Variants in RAD51B observed in about 807,000 individuals in gnomAD.
The protein encoded by RAD51B is DNA repair protein RAD51 homolog 2.
Under a neutral mutation model 42.2 loss-of-function variants are expected in RAD51B, and 38 were observed. The ratio of observed to expected loss-of-function variants is 0.90; its 90% CI spans 0.70 to 1.18. The LOEUF (loss-of-function observed/expected upper bound fraction) is 1.18. Among genes scored for constraint, RAD51B ranks in the 50% most tolerant of loss-of-function variants. RAD51B has a pLI of 0.00. For missense variants in RAD51B, 373 were observed against 400.7 expected (o/e 0.93, Z 0.59); for synonymous variants, 154 against 145.2 (o/e 1.06, Z -0.43).
intron 7 of RAD51B, among the ~76,000 whole-genome samples, chr14:67,987,826 G>A (rs927004161): frequency 1.3e-5 from 2 of 152,212 alleles, no homozygotes; most frequent in Non-Finnish European, 2.9e-5. Flanking sequence ...CTGTGTGTAT[G>A]TTCCTGTGGA....
chr14:68,673,550 A>G (rs1464746357), intron 11 of RAD51B, among the ~76,000 whole-genome samples: 13 of 152,016 alleles, frequency 8.6e-5, no homozygotes, highest in African/African-American at 1.9e-4. Flanking sequence ...ATACATATGT[A>G]CACACATATG....
At chr14:68,561,824 A>G (rs1224888199) in intron 10 of RAD51B, among the ~76,000 whole-genome samples, 1 of 152,192 alleles carries the variant, frequency 6.6e-6, no homozygotes, top group African/African-American at 2.4e-5. Context: ...CCGGCTTTAG[A>G]GTCACACTGG....
intron 10 of RAD51B, among the ~76,000 whole-genome samples, chr14:68,501,454 G>C (rs1180034508): frequency 6.6e-6 from 1 of 152,192 alleles, no homozygotes; most frequent in Non-Finnish European, 1.5e-5. Context: ...CTGCAGCCAA[G>C]GCCCCATGGA....
intron 9 of RAD51B, among the ~76,000 whole-genome samples, chr14:68,465,949 AAAAAATAAATAAAT>A (rs1202476868): frequency 1.0e-4 from 10 of 100,070 alleles, no homozygotes; most frequent in South Asian, 6.3e-4. Context: ...TCAAAAAAAA[AAAAAATAAATAAAT>A]AAATAAATAA....
At chr14:68,420,405 C>G (rs2084668360) in intron 9 of RAD51B, among the ~76,000 whole-genome samples, 1 of 151,886 alleles carries the variant, frequency 6.6e-6, no homozygotes, top group Admixed American at 6.5e-5. Flanking sequence ...CACAGCAACC[C>G]GAAGAGCTGC....
At chr14:67,845,590 C>G (rs972806484) in intron 4 of RAD51B, among the ~76,000 whole-genome samples, 56 of 152,180 alleles carry the variant, frequency 3.7e-4, no homozygotes, top group African/African-American at 1.3e-3. Flanking sequence ...ACTGCTTGGG[C>G]CCAGGAGGTC....
At chr14:68,484,559 G>A (rs1194952149) in intron 10 of RAD51B, among the ~76,000 whole-genome samples, 10 of 151,930 alleles carry the variant, frequency 6.6e-5, no homozygotes, top group Admixed American at 1.3e-4. Flanking sequence ...GAGTTTCACC[G>A]TGTTAGCCAG....
intron 7 of RAD51B, among the ~76,000 whole-genome samples, chr14:68,268,786 G>C (rs890517379): frequency 2.6e-5 from 4 of 152,128 alleles, no homozygotes; most frequent in African/African-American, 7.2e-5. Flanking sequence ...ATCTTTGTTT[G>C]TTCCTAGACT....
chr14:68,460,952 A>T (rs763749483), intron 9 of RAD51B, among the ~76,000 whole-genome samples: 1 of 152,042 alleles, frequency 6.6e-6, no homozygotes, highest in Non-Finnish European at 1.5e-5. Flanking sequence ...GCATTTATTC[A>T]CTCATTCATT....
intron 7 of RAD51B, among the ~76,000 whole-genome samples, chr14:68,267,787 G>T (rs575705119): frequency 2.6e-5 from 4 of 152,316 alleles, no homozygotes; most frequent in African/African-American, 7.2e-5. Flanking sequence ...ATCACTTTGT[G>T]TATGAATATC....
At chr14:68,147,088 G>A (rs923108157) in intron 7 of RAD51B, among the ~76,000 whole-genome samples, 1 of 152,114 alleles carries the variant, frequency 6.6e-6, no homozygotes, top group African/African-American at 2.4e-5. Context: ...GAATTTCTCC[G>A]GGAGTCTTAT....
intron 8 of RAD51B, chr14:68,339,035 C>T (rs2082517458): frequency 1.5e-6 from 1 of 662,498 alleles, no homozygotes; most frequent in South Asian, 1.5e-5. Flanking sequence ...AGACAGCCAG[C>T]TCGATGGGAT....
chr14:67,962,105 G>C (rs572879374), intron 7 of RAD51B, among the ~76,000 whole-genome samples: 1 of 152,144 alleles, frequency 6.6e-6, no homozygotes, highest in Non-Finnish European at 1.5e-5. Flanking sequence ...AACTAGTATG[G>C]AATACAATAG....
rs1304052702 is a variant in RAD51B at position 67,906,869 on chromosome 14, G to A, written c.756+19665G>A. On this transcript the variant is annotated intron_variant, in intron 7 of 10. Transcript: ENST00000471583. ...TTGTTGCCCAGGCTGGAGTGCAATG[G>A]CACCATCTCAGCTCACCACAACCTC... is the stretch of plus-strand genomic sequence containing the variant. Among the ~76,000 whole-genome samples, 5 of 151,630 alleles carry A rather than the reference G, an allele frequency of 3.3e-5. No individual in the cohort carries two copies. The East Asian group carries it at 9.7e-4, about 29-fold the overall frequency.
chr14:68,352,195 T>C (rs1185983255), intron 8 of RAD51B, among the ~76,000 whole-genome samples: 1 of 152,208 alleles, frequency 6.6e-6, no homozygotes, highest in Non-Finnish European at 1.5e-5. Flanking sequence ...GAATGAATGA[T>C]AGAATTAATG....
rs570674665 is a variant in RAD51B, at chr14:68,315,191, A to G, written c.853+23211A>G. On this transcript the variant is annotated intron_variant, in intron 8 of 10. Transcript: ENST00000471583. ...TTCTCTGGCACAAGCTGGCTCTACC[A>G]TGTGATTTGAAGTAAATGGCCATTT... Among the ~76,000 whole-genome samples the G allele has an allele frequency of 3.3e-5, 5 of 152,216 alleles. No individual in the cohort carries two copies. In the South Asian group the frequency reaches 1.0e-3, roughly 32 times the overall value.
intron 7 of RAD51B, among the ~76,000 whole-genome samples, chr14:68,111,777 A>G (rs1485153952): frequency 6.6e-6 from 1 of 152,118 alleles, no homozygotes; most frequent in African/African-American, 2.4e-5. Flanking sequence ...GTCAGCAAGA[A>G]GGGAGCAATT....
chr14:68,440,416 TC>T, intron 9 of RAD51B, among the ~76,000 whole-genome samples: 1 of 152,212 alleles, frequency 6.6e-6, no homozygotes, highest in Non-Finnish European at 1.5e-5. Context: ...TTCTGCCTTC[TC>T]ATATTCTTCA....
intron 7 of RAD51B, among the ~76,000 whole-genome samples, chr14:67,892,963 C>T (rs2043263380): frequency 6.6e-6 from 1 of 152,196 alleles, no homozygotes; most frequent in Non-Finnish European, 1.5e-5. Flanking sequence ...TTTCTGTTTG[C>T]TCATTTTGAT....
Sources: gnomAD v4.1 joint callset for allele counts (sites outside exome capture counted in the v4.1 genomes callset) on GRCh38, gnomAD v4.1.1 for gene constraint, MANE v1.5 for transcripts, NCBI Gene and HGNC (gene_info 2026-07-23, HGNC 2026-07-21) for gene names.